The following TRAPPC9 variants were observed in gnomAD, a reference collection of about 807,000 sequenced individuals.
TRAPPC9 encodes IKK2 binding protein.
Under a neutral mutation model 124.0 loss-of-function variants are expected in TRAPPC9, and 83 were observed. The ratio of observed to expected loss-of-function variants is 0.67; its 90% confidence interval spans 0.56 to 0.80. The LOEUF (loss-of-function observed/expected upper bound fraction) is 0.80, where lower values mean the gene tolerates loss of function less well. Ranked by LOEUF, TRAPPC9 falls within the 30% of genes least tolerant of loss-of-function variation. The pLI is 0.00. For synonymous variants in TRAPPC9, 638 were observed against 617.5 expected (o/e 1.03, Z -0.49); for missense variants, 1,302 against 1,508.3 (o/e 0.86, Z 2.27).
At chr8:139,915,305 G>A (rs962620125) in intron 19 of TRAPPC9, among the ~76,000 whole-genome samples, 5 of 152,126 alleles carry the variant, frequency 3.3e-5, no homozygotes, top group African/African-American at 1.2e-4. Flanking sequence ...GGAGTACAGT[G>A]GTGCAATCTC....
intron 17 of TRAPPC9, among the ~76,000 whole-genome samples, chr8:140,132,732 G>A (rs1249169506): frequency 6.6e-6 from 1 of 152,196 alleles, no homozygotes; most frequent in African/African-American, 2.4e-5. Context: ...GGGTCATGCA[G>A]AATGCCTGGG....
chr8:140,035,649 C>T (rs1291093412), intron 17 of TRAPPC9, among the ~76,000 whole-genome samples: 1 of 152,162 alleles, frequency 6.6e-6, no homozygotes, highest in East Asian at 1.9e-4. Context: ...AGGTACGTTG[C>T]TCCAGTTCCC....
chr8:140,290,945 G>C, intron 12 of TRAPPC9, 48 bp downstream of exon 12: 1 of 1,465,842 alleles, frequency 6.8e-7, no homozygotes, highest in South Asian at 1.1e-5. Flanking sequence ...ACTTTAATGA[G>C]AAGTTTGTAT....
chr8:140,168,327 A>G (rs902004463), intron 17 of TRAPPC9, among the ~76,000 whole-genome samples: 1 of 152,010 alleles, frequency 6.6e-6, no homozygotes, highest in African/African-American at 2.4e-5. Flanking sequence ...GTGCATTCAC[A>G]ATGTTATGCA....
At chr8:140,114,939 T>C (rs11787368) in intron 17 of TRAPPC9, among the ~76,000 whole-genome samples, 6,950 of 152,266 alleles carry the variant, frequency 0.046, 157 homozygotes, top group Middle Eastern at 0.082. Flanking sequence ...GACTACCTCC[T>C]GAGAGCTGGG....
chr8:139,852,423 T>C (rs776918979), intron 21 of TRAPPC9, among the ~76,000 whole-genome samples: 10 of 152,210 alleles, frequency 6.6e-5, no homozygotes, highest in Non-Finnish European at 1.3e-4. Flanking sequence ...CCTTCCCCAC[T>C]GGACAGGAGG....
chr8:140,332,932 C>A (rs1420723675), intron 9 of TRAPPC9, among the ~76,000 whole-genome samples: 1 of 152,114 alleles, frequency 6.6e-6, no homozygotes, highest in East Asian at 1.9e-4. Flanking sequence ...CAAGACCAGC[C>A]TGGTCAACAT....
rs536969449 is a variant in TRAPPC9 at position 140,142,811 on chromosome 8, A to C, written c.2556+78648T>G. On this transcript the variant is annotated intron_variant, in intron 17 of 22. Transcript: ENST00000438773. ...AGCCTCTCCAAACCTTCATTTCTTC[A>C]TTTGTAAAGAGGCATAATGAAATGC... is the stretch of plus-strand genomic sequence containing the variant. Among the ~76,000 whole-genome samples the C allele has an allele frequency of 4.6e-5, 7 of 152,350 alleles. No individual in the cohort carries two copies. In the South Asian group the frequency reaches 1.0e-3, roughly 23 times the overall value.
intron 15 of TRAPPC9, among the ~76,000 whole-genome samples, chr8:140,263,450 C>G (rs149287290): frequency 2.6e-5 from 4 of 152,132 alleles, no homozygotes; most frequent in Admixed American, 6.5e-5. Flanking sequence ...TTTCCCTGAA[C>G]GCTGGGCTAA....
intron 21 of TRAPPC9, among the ~76,000 whole-genome samples, chr8:139,830,547 C>T (rs535758372): frequency 6.0e-5 from 9 of 151,080 alleles, no homozygotes; most frequent in Non-Finnish European, 1.2e-4. Context: ...CACACACAAA[C>T]GAGCAAGCAC....
intron 19 of TRAPPC9, among the ~76,000 whole-genome samples, chr8:139,924,661 C>G (rs1453540548): frequency 6.6e-6 from 1 of 152,168 alleles, no homozygotes; most frequent in Non-Finnish European, 1.5e-5. Flanking sequence ...ACCTGGACTT[C>G]TCCCCATCCC....
At chr8:140,260,717 T>C (rs903221740) in intron 15 of TRAPPC9, among the ~76,000 whole-genome samples, 1 of 152,200 alleles carries the variant, frequency 6.6e-6, no homozygotes, top group African/African-American at 2.4e-5. Flanking sequence ...CACATGTGTA[T>C]TAAAGAGGCA....
At chr8:139,988,662 C>T (rs1390719966) in intron 19 of TRAPPC9, 64 bp downstream of exon 19, 2 of 1,137,040 alleles carry the variant, frequency 1.8e-6, no homozygotes, top group African/African-American at 1.5e-5. Context: ...TCCACACCCT[C>T]CCAAGCAGCG....
chr8:139,895,240 C>T (rs1325982877), intron 20 of TRAPPC9, among the ~76,000 whole-genome samples: 1 of 152,190 alleles, frequency 6.6e-6, no homozygotes, highest in Admixed American at 6.5e-5. Flanking sequence ...GGGGGGCACA[C>T]AGGCATGCTC....
At chr8:139,996,176 A>AAG (rs1554603349) in intron 18 of TRAPPC9, among the ~76,000 whole-genome samples, 9 of 144,912 alleles carry the variant, frequency 6.2e-5, no homozygotes, top group South Asian at 2.3e-4. Flanking sequence ...AAAAAAAAAA[A>AAG]AAAAAAGAAA....
chr8:140,013,356 T>C (rs1159498120), intron 18 of TRAPPC9, among the ~76,000 whole-genome samples: 1 of 152,178 alleles, frequency 6.6e-6, no homozygotes, highest in Non-Finnish European at 1.5e-5. Flanking sequence ...GAAAGGAAAC[T>C]GTACTCCCCA....
chr8:139,730,837 A>C lies in TRAPPC9; in HGVS notation c.*224T>G. 1.6e-5 allele frequency: 9 copies of C among 569,532 alleles called. No individual in the cohort carries two copies. The highest frequency in any genetic ancestry group is 3.0e-5 in the East Asian group (1 of 33,336). 35.3% of individuals were successfully genotyped at this position (569,532 alleles called of 1,614,324 possible). ...CTTCAGCCTGTGTATGGTCCAGGGA[A>C]CAGTGTAGGAAGGGGCGTGGCATGG... On this transcript the variant is annotated 3_prime_UTR_variant, in exon 23 of 23. Transcript: ENST00000438773.
rs561943940 is a variant in TRAPPC9 at position 140,273,037 on chromosome 8, A to G, written c.2278+2621T>C. The stretch of plus-strand genomic sequence containing the variant: ...ATTATCTCATTTAATTCTCAGTTAA[A>G]TCAATGAGATGTAGGTACCATTCTT... On this transcript the variant is annotated intron_variant, in intron 15 of 22. Transcript: ENST00000438773. Among the ~76,000 whole-genome samples the G allele has an allele frequency of 3.3e-5, 5 of 152,344 alleles. No individual in the cohort carries two copies. The East Asian group carries it at 9.6e-4, about 29-fold the overall frequency.
intron 18 of TRAPPC9, among the ~76,000 whole-genome samples, chr8:140,023,241 T>G (rs942361708): frequency 1.3e-5 from 2 of 152,174 alleles, no homozygotes; most frequent in African/African-American, 2.4e-5. Context: ...GGCAGGAGCT[T>G]CATTCACCTC....
Sources: allele counts gnomAD v4.1 joint callset (sites outside exome capture counted in the v4.1 genomes callset), GRCh38; gene constraint gnomAD v4.1.1; transcripts MANE v1.5; gene names NCBI Gene and HGNC (gene_info 2026-07-23, HGNC 2026-07-21).